The following ZNF214 variants were observed in gnomAD, a reference collection of about 807,000 sequenced individuals.
ZNF214 encodes BWSCR2-associated zinc finger protein 1.
A neutral mutation model predicts 53.9 loss-of-function variants in ZNF214; 43 were observed. The observed-to-expected ratio is 0.80, with a 90% CI of 0.63 to 1.03. The LOEUF is 1.03. Ranked by LOEUF, ZNF214 falls within the 50% of genes least tolerant of loss-of-function variation. The pLI, the probability that ZNF214 is intolerant of heterozygous loss-of-function variation, is 0.00. For synonymous variants in ZNF214, 217 were observed against 229.5 expected (o/e 0.95, Z 0.49); for missense variants, 724 against 719.1 (o/e 1.01, Z -0.08).
chr11:7,004,826 C>T (rs1851437271), intron 1 of ZNF214, among the ~76,000 whole-genome samples: 1 of 152,128 alleles, frequency 6.6e-6, no homozygotes, highest in South Asian at 2.1e-4. Flanking sequence ...TCCCTGCTGA[C>T]AGCTTCACTG....
chr11:7,010,523 CAATT>C (rs1564998032), intron 1 of ZNF214, among the ~76,000 whole-genome samples: 1 of 150,940 alleles, frequency 6.6e-6, no homozygotes, highest in Non-Finnish European at 1.5e-5. Flanking sequence ...TCATGACTCA[CAATT>C]TATATAACAA....
intron 1 of ZNF214, among the ~76,000 whole-genome samples, chr11:7,012,370 T>C (rs1851625276): frequency 6.6e-6 from 1 of 151,976 alleles, no homozygotes; most frequent in South Asian, 2.1e-4. Context: ...CCATATACAA[T>C]GGTTAAGTAT....
chr11:7,014,003 AAGC>A (rs2119453082), intron 1 of ZNF214, among the ~76,000 whole-genome samples: 1 of 152,346 alleles, frequency 6.6e-6, no homozygotes, highest in African/African-American at 2.4e-5. Flanking sequence ...AAACAAAACA[AAGC>A]AGAAGACATA....
chr11:7,014,308 A>G (rs1196874007), intron 1 of ZNF214, among the ~76,000 whole-genome samples: 2 of 152,236 alleles, frequency 1.3e-5, no homozygotes, highest in Admixed American at 1.3e-4. Flanking sequence ...GAACAGTTAG[A>G]GCATAATAAA....
At chr11:7,008,061 C>A (rs7119785) in intron 1 of ZNF214, among the ~76,000 whole-genome samples, 93,312 of 151,300 alleles carry the variant, frequency 0.62, 28,967 homozygotes, top group East Asian at 0.73. Context: ...GTTTTTTCTT[C>A]AAAATCTAAA....
rs1188011425 is a variant in ZNF214, at chr11:7,001,472, A to C, written c.211T>G (p.Trp71Gly). Residue 71 changes from tryptophan (W) to glycine (G), a missense_variant, in exon 3 of 3, where the codon TGG becomes GGG. Transcript: ENST00000278314. ...YENFSYWQGW[W>G]NAGAQMYENQ... is the part of the protein sequence containing the mutation. ...TCATACATCTGGGCGCCAGCATTCC[A>C]CCAGCCTTGCCAGTAGGAAAAATTT... 6.2e-7 allele frequency: 1 copy of C among 1,612,826 alleles called. No homozygotes were observed.
chr11:7,010,566 T>C (rs768912373), intron 1 of ZNF214, among the ~76,000 whole-genome samples: 3 of 130,104 alleles, frequency 2.3e-5, no homozygotes, highest in Non-Finnish European at 5.0e-5. Context: ...AATCCTAAAA[T>C]AAAAGTTAAG....
intron 1 of ZNF214, among the ~76,000 whole-genome samples, chr11:7,018,186 A>G (rs1190124602): frequency 6.6e-6 from 1 of 152,196 alleles, no homozygotes; most frequent in Non-Finnish European, 1.5e-5. Context: ...ATGGCTGTCA[A>G]TATGGTTCAT....
At position 7,000,827 on chromosome 11, in the gene ZNF214, G is replaced by T. The variant is rs368977573; in HGVS notation, c.856C>A (p.Gln286Lys). 53 of 1,611,928 alleles carry T rather than the reference G, an allele frequency of 3.3e-5. No individual in the cohort carries two copies. The South Asian group carries it at 5.3e-4, about 16-fold the overall frequency. Residue 286 changes from glutamine to lysine, a missense_variant, in exon 3 of 3, where the codon CAG becomes AAG. Coordinates refer to ENST00000278314, the MANE Select transcript of ZNF214 (RefSeq NM_013249.4). ...GCDEVDGNFHQSSGVHFHQRV... is the reference protein window; with the variant it reads ...GCDEVDGNFHKSSGVHFHQRV... ...TGATGAAAGTGAACTCCGGAGCTCT[G>T]ATGAAAGTTACCGTCAACTTCATCA...
In ZNF214 at chr11:7,000,085, T is replaced by C. The variant is rs1385270123; in HGVS notation, c.1598A>G (p.Lys533Arg). The C allele has an allele frequency of 1.9e-6, 3 of 1,613,336 alleles. No homozygotes were observed. In the African/African-American group the frequency reaches 4.0e-5, roughly 22 times the overall value. Residue 533 changes from lysine (K) to arginine (R), a missense_variant, in exon 3 of 3, where the codon AAG becomes AGG. Transcript: ENST00000278314. ...EKPYKCHDCGKGFSHSSNLHI... is the reference protein window; with the variant it reads ...EKPYKCHDCGRGFSHSSNLHI... ...AAGATTAGAACTGTGACTAAAACCC[T>C]TTCCACAATCATGACATTTATAGGG...
chr11:7,018,136 TAAATA>T (rs1851819243), intron 1 of ZNF214, among the ~76,000 whole-genome samples: 1 of 152,182 alleles, frequency 6.6e-6, no homozygotes, highest in Non-Finnish European at 1.5e-5. Context: ...CAATAAGTAT[TAAATA>T]AAAGACTACA....
chr11:7,002,762 T>G lies in ZNF214; in HGVS notation c.74A>C (p.Lys25Thr). The change falls in exon 2 of 3, where the codon AAA (lysine) becomes ACA (threonine). Residue 25 changes from lysine to threonine, a missense_variant. Lys to Thr is a moderately conservative substitution (Grantham distance 78, BLOSUM62 -1). Coordinates refer to ENST00000278314, the MANE Select transcript of ZNF214 (RefSeq NM_013249.4). ...EEWKFLDSSQ[K>T]RLYREVMWEN... ...CCACATGACCTCCCTGTAGAGTCTT[T>G]TTTGAGAAGAATCCAGGAATTTCCA... 1.2e-6 allele frequency: 2 copies of G among 1,610,296 alleles called. No individual in the cohort carries two copies. The highest frequency in any genetic ancestry group is 2.2e-5 in the South Asian group (2 of 90,546).
intron 1 of ZNF214, chr11:7,016,156 T>C (rs1179945577): frequency 6.6e-6 from 1 of 152,242 alleles, no homozygotes; most frequent in Non-Finnish European, 1.5e-5. Context: ...TAGTTCTTCA[T>C]GTCCAGCACT....
intron 1 of ZNF214, among the ~76,000 whole-genome samples, chr11:7,012,061 T>C (rs1851617938): frequency 6.6e-6 from 1 of 152,128 alleles, no homozygotes; most frequent in African/African-American, 2.4e-5. Flanking sequence ...TAGACTTCTG[T>C]TCCTTAAAAT....
chr11:7,015,682 T>A (rs189098814), intron 1 of ZNF214: 3 of 152,126 alleles, frequency 2.0e-5, no homozygotes, highest in Non-Finnish European at 4.4e-5. Context: ...CTAACTAAAC[T>A]TATCTCTATT....
Position 7,001,074 on chromosome 11 carries a change from C to G in ZNF214, c.609G>C (p.Val203=). The stretch of plus-strand genomic sequence containing the variant: ...CTCTCAGTAGGTCTTCTTGACATAT[C>G]ACCCCAACATACTGTGGAAGGGCTT... ...VEEALPQYVG[V]ICQEDLLRDS... The change falls in exon 3 of 3, where the codon GTG becomes GTC. Residue 203 remains valine, a synonymous_variant. Transcript: ENST00000278314. 6.2e-7 allele frequency: 1 copy of G among 1,613,314 alleles called. No homozygotes were observed. The highest frequency in any genetic ancestry group is 8.5e-7 in the Non-Finnish European group (1 of 1,179,570).
intron 2 of ZNF214, 102 bp from the exon 3 acceptor site, chr11:7,001,657 G>A: frequency 1.5e-6 from 2 of 1,345,232 alleles, no homozygotes; most frequent in Non-Finnish European, 2.0e-6. Flanking sequence ...ATATATGTGT[G>A]GCTGGGGGTA....
Position 7,001,365 on chromosome 11 carries a change from C to T in ZNF214, c.318G>A (p.Trp106Ter), listed in dbSNP as rs774193398. Reference sequence around the variant, plus strand: ...CTGGTACTTGTGTGGAGAGTATTAACCATTCCTGACACTGGGAACGATCTT... The same window carrying T: ...CTGGTACTTGTGTGGAGAGTATTAATCATTCCTGACACTGGGAACGATCTT... ...TQQDRSQCQEWLILSTQVPGY... is the reference protein window; with the variant it reads ...TQQDRSQCQE Residue 106 changes from tryptophan (W) to a stop codon, truncating the protein, a stop_gained, in exon 3 of 3, where the codon TGG becomes TGA. Transcript: ENST00000278314. LOFTEE classifies it high-confidence loss of function. 6.2e-7 allele frequency: 1 copy of T among 1,613,070 alleles called. No individual in the cohort carries two copies.
chr11:7,011,632 G>T (rs997604450), intron 1 of ZNF214, among the ~76,000 whole-genome samples: 3 of 152,070 alleles, frequency 2.0e-5, no homozygotes, highest in African/African-American at 7.2e-5. Flanking sequence ...CACCGTCACT[G>T]CTGCTTTCAA....
Sources: allele counts gnomAD v4.1 joint callset (sites outside exome capture counted in the v4.1 genomes callset), GRCh38; gene constraint gnomAD v4.1.1; transcripts MANE v1.5; gene names NCBI Gene and HGNC (gene_info 2026-07-23, HGNC 2026-07-21).